FGF13: variants seen among roughly 807,000 people sequenced by gnomAD.
FGF13 encodes the protein fibroblast growth factor 13, also known as fibroblast growth factor homologous factor 2.
In FGF13, 2 loss-of-function variants were observed where a neutral mutation model predicts 19.5. The observed-to-expected ratio is 0.10, with a 90% CI of 0.04 to 0.32. The LOEUF (loss-of-function observed/expected upper bound fraction) is 0.32, where lower values mean the gene tolerates loss of function less well. FGF13 is among the 10% of genes least tolerant of loss of function. The pLI, the probability that FGF13 is intolerant of heterozygous loss-of-function variation, is 1.00. For missense variants in FGF13, 113 were observed against 192.7 expected (o/e 0.59, Z 2.45); for synonymous variants, 72 against 76.9 (o/e 0.94, Z 0.33).
chrX:138,805,073 C>T (rs1231616251), intron 3 of FGF13, among the ~76,000 whole-genome samples: 1 of 111,870 alleles, frequency 8.9e-6, no homozygotes, highest in Non-Finnish European at 1.9e-5. Context: ...ATTGAAAAGG[C>T]AGATGCTTTA....
At chrX:138,873,931 C>A (rs1175906845) in intron 1 of FGF13, among the ~76,000 whole-genome samples, 1 of 97,080 alleles carries the variant, frequency 1.0e-5, no homozygotes, top group African/African-American at 3.9e-5. Flanking sequence ...CATGTTCTCA[C>A]TCATAGGTGG....
intron 1 of FGF13, among the ~76,000 whole-genome samples, chrX:139,019,748 G>C (rs1478887480): frequency 9.0e-6 from 1 of 110,670 alleles, no homozygotes; most frequent in African/African-American, 3.3e-5. Flanking sequence ...ATATGTGTGT[G>C]AGTGTTCATG....
At chrX:138,899,021 G>A (rs903029456) in intron 1 of FGF13, among the ~76,000 whole-genome samples, 1 of 111,156 alleles carries the variant, frequency 9.0e-6, no homozygotes, top group African/African-American at 3.3e-5. Context: ...TCCCCTCCCT[G>A]CTCCATCACG....
intron 3 of FGF13, among the ~76,000 whole-genome samples, chrX:138,765,933 G>A (rs1391071295): frequency 1.8e-5 from 2 of 111,467 alleles, no homozygotes; most frequent in Non-Finnish European, 3.8e-5. Flanking sequence ...TCTGCTGGGA[G>A]TGAAGCCCCT....
chrX:139,126,957 C>T (rs924465414), intron 1 of FGF13, among the ~76,000 whole-genome samples: 1 of 111,551 alleles, frequency 9.0e-6, no homozygotes, highest in Non-Finnish European at 1.9e-5. Context: ...CCCCAACTCG[C>T]GACACCACAA....
intron 3 of FGF13, among the ~76,000 whole-genome samples, chrX:138,789,828 G>A (rs1484841192): frequency 4.7e-5 from 5 of 107,225 alleles, no homozygotes; most frequent in Middle Eastern, 4.8e-3. Context: ...GGTGGATCAC[G>A]AGGCCAGGAG....
intron 3 of FGF13, 80 bp downstream of exon 3, chrX:138,702,904 A>G (rs2089960875): frequency 6.3e-6 from 4 of 634,418 alleles, no homozygotes; most frequent in Non-Finnish European, 1.0e-5. Context: ...ATCTGTAATG[A>G]TAACACATAT....
intron 3 of FGF13, among the ~76,000 whole-genome samples, chrX:138,786,515 G>T (rs991732527): frequency 3.6e-5 from 4 of 111,758 alleles, no homozygotes; most frequent in Non-Finnish European, 7.5e-5. Flanking sequence ...CTAATATAAA[G>T]CCCCTGCTTC....
At chrX:139,014,233 T>G (rs1444358793) in intron 1 of FGF13, among the ~76,000 whole-genome samples, 1 of 110,052 alleles carries the variant, frequency 9.1e-6, no homozygotes, top group African/African-American at 3.3e-5. Context: ...ACAAAACTAG[T>G]GGAATAAACG....
intron 1 of FGF13, among the ~76,000 whole-genome samples, chrX:139,162,252 C>A (rs2084041198): frequency 8.9e-6 from 1 of 112,088 alleles, no homozygotes; most frequent in Non-Finnish European, 1.9e-5. Context: ...CACACATCTA[C>A]AACCTTCTGA....
chrX:138,703,575 G>A (rs772349161), intron 2 of FGF13, among the ~76,000 whole-genome samples: 4 of 112,397 alleles, frequency 3.6e-5, no homozygotes, highest in Non-Finnish European at 7.5e-5. Flanking sequence ...CTGTTGGGTA[G>A]AGAGTCCTAG....
intron 1 of FGF13, among the ~76,000 whole-genome samples, chrX:139,083,700 G>A (rs918060727): frequency 3.6e-5 from 4 of 110,130 alleles, no homozygotes; most frequent in African/African-American, 9.9e-5. Flanking sequence ...GTGAAACCCC[G>A]TCTCTACTAA....
intron 1 of FGF13, among the ~76,000 whole-genome samples, chrX:139,186,730 A>G (rs906215129): frequency 4.5e-5 from 5 of 111,137 alleles, no homozygotes; most frequent in Admixed American, 2.9e-4. Flanking sequence ...CATTTGCAAT[A>G]CCCTTCCCTC....
At chrX:139,095,627 A>G (rs1362799216) in intron 1 of FGF13, among the ~76,000 whole-genome samples, 1 of 111,924 alleles carries the variant, frequency 8.9e-6, no homozygotes, top group Non-Finnish European at 1.9e-5. Context: ...CTCATCTTTA[A>G]AACTGGAGAT....
intron 1 of FGF13, among the ~76,000 whole-genome samples, chrX:139,038,149 T>C (rs913286690): frequency 9.0e-6 from 1 of 111,204 alleles, no homozygotes; most frequent in African/African-American, 3.3e-5. Context: ...GCCTTCTCCA[T>C]GCAGCTGCTG....
intron 1 of FGF13, among the ~76,000 whole-genome samples, chrX:139,129,172 C>T (rs1204184971): frequency 3.0e-5 from 3 of 100,088 alleles, no homozygotes; most frequent in African/African-American, 1.2e-4. Flanking sequence ...CACACACACA[C>T]ACACACACAT....
intron 4 of FGF13, among the ~76,000 whole-genome samples, chrX:138,635,035 T>A: frequency 8.9e-6 from 1 of 112,149 alleles, no homozygotes; most frequent in Admixed American, 9.5e-5. Flanking sequence ...ATGTGGTATA[T>A]ATATACACCA....
Position 138,622,785 on chromosome X carries a change from T to C in FGF13, c.*10065A>G, listed in dbSNP as rs1302221986. 4 of 111,832 alleles carry C rather than the reference T, an allele frequency of 3.6e-5. No individual in the cohort carries two copies. Among genetic ancestry groups the C allele is most frequent in the Non-Finnish European group, 7.5e-5 (4 of 53,053 alleles). 9.2% of individuals were successfully genotyped at this position (111,832 alleles called of 1,213,427 possible). A position where few individuals can be genotyped will look rare whatever the true frequency, so the allele number is the denominator to read the frequency against. ...TTTTGGGGACTTATGTGGTGCCATA[T>C]GAATTTTAGAATTTTTTTTTATTTC... On this transcript the variant is annotated 3_prime_UTR_variant, in exon 5 of 5. Transcript: ENST00000315930.
chrX:139,054,861 A>AGTGTT (rs57605613), intron 1 of FGF13, among the ~76,000 whole-genome samples: 14,587 of 81,739 alleles, frequency 0.18, 1,360 homozygotes, highest in African/African-American at 0.22. Context: ...TATATTCCTA[A>AGTGTT]GTGTTGTGTT....
Sources: allele counts gnomAD v4.1 joint callset (sites outside exome capture counted in the v4.1 genomes callset), GRCh38; gene constraint gnomAD v4.1.1; transcripts MANE v1.5; gene names NCBI Gene and HGNC (gene_info 2026-07-23, HGNC 2026-07-21).